Variants in FRMD4A observed in about 807,000 individuals in gnomAD.
FRMD4A encodes FERM domain-containing protein 4A.
Under a neutral mutation model 129.1 loss-of-function variants are expected in FRMD4A, and 29 were observed. That is an observed-to-expected ratio of 0.22 (90% confidence interval 0.17 to 0.31). FRMD4A has a LOEUF of 0.31. Ranked by LOEUF, FRMD4A falls within the 10% of genes least tolerant of loss-of-function variation. The pLI is 1.00. For missense variants in FRMD4A, 1,272 were observed against 1,375.8 expected, an observed-to-expected ratio of 0.92 and a Z score of 1.19; for synonymous variants, 634 against 571.6, an observed-to-expected ratio of 1.11 and a Z score of -1.56.
intron 2 of FRMD4A, among the ~76,000 whole-genome samples, chr10:14,126,772 C>G (rs12248809): frequency 1.3e-5 from 2 of 152,086 alleles, no homozygotes; most frequent in East Asian, 3.9e-4. Context: ...AAATGTGGGT[C>G]TTATAGGAAG....
At chr10:14,247,171 A>G (rs138274615) in intron 2 of FRMD4A, among the ~76,000 whole-genome samples, 1 of 152,070 alleles carries the variant, frequency 6.6e-6, no homozygotes, top group East Asian at 1.9e-4. Flanking sequence ...ACACAGGGAG[A>G]CTAGTGACCC....
At chr10:14,033,163 C>T (rs1021340079) in intron 2 of FRMD4A, among the ~76,000 whole-genome samples, 3 of 151,760 alleles carry the variant, frequency 2.0e-5, no homozygotes, top group Non-Finnish European at 2.9e-5. Context: ...AAAAATTAGC[C>T]GGGCGTGGTG....
At chr10:13,707,257 GACACACACACACACATAC>G (rs2087553382) in intron 12 of FRMD4A, 144 bp from the exon 13 acceptor site, 1 of 683,604 alleles carries the variant, frequency 1.5e-6, no homozygotes, top group Non-Finnish European at 2.3e-6. Flanking sequence ...CCTCTTGCTT[GACACACACACACACATAC>G]ACACACACAC....
At chr10:14,139,310 G>A (rs937187554) in intron 2 of FRMD4A, among the ~76,000 whole-genome samples, 2 of 152,124 alleles carry the variant, frequency 1.3e-5, no homozygotes, top group African/African-American at 4.8e-5. Flanking sequence ...AGTCAACTGT[G>A]TCATTCCACT....
chr10:14,187,573 G>A (rs1342564767), intron 2 of FRMD4A, among the ~76,000 whole-genome samples: 1 of 152,170 alleles, frequency 6.6e-6, no homozygotes, highest in African/African-American at 2.4e-5. Flanking sequence ...AGATCAGCCA[G>A]ATACAGTGGC....
intron 2 of FRMD4A, among the ~76,000 whole-genome samples, chr10:14,314,410 G>A (rs1437555581): frequency 1.3e-5 from 2 of 152,286 alleles, no homozygotes; most frequent in East Asian, 3.9e-4. Flanking sequence ...GTTTAGGAAG[G>A]CATCCTGGTG....
At chr10:13,803,428 C>A (rs140014284) in intron 4 of FRMD4A, among the ~76,000 whole-genome samples, 1 of 152,174 alleles carries the variant, frequency 6.6e-6, no homozygotes, top group African/African-American at 2.4e-5. Context: ...AACCCCTGGG[C>A]TCAAGTGATC....
intron 6 of FRMD4A, among the ~76,000 whole-genome samples, chr10:13,779,870 C>T (rs2092692675): frequency 6.6e-6 from 1 of 151,734 alleles, no homozygotes. Flanking sequence ...CAGCAACAAG[C>T]CTACACATCA....
At chr10:13,948,054 GA>G (rs80191339) in intron 2 of FRMD4A, among the ~76,000 whole-genome samples, 40,238 of 136,286 alleles carry the variant, frequency 0.3, 5,625 homozygotes, top group South Asian at 0.42. Context: ...AAAGTAAATT[GA>G]AAAAAAAAAA....
intron 2 of FRMD4A, among the ~76,000 whole-genome samples, chr10:14,127,944 T>C (rs1405696802): frequency 6.5e-5 from 1 of 15,278 alleles, no homozygotes; most frequent in African/African-American, 4.3e-4. Flanking sequence ...CTTTCTTTCT[T>C]TCTTTCTTTC....
chr10:13,657,209 C>T lies in FRMD4A; in HGVS notation c.2380G>A (p.Gly794Ser). The T allele has an allele frequency of 1.3e-6, 2 of 1,545,302 alleles. No homozygotes were observed. The highest frequency in any genetic ancestry group is 1.7e-6 in the Non-Finnish European group (2 of 1,151,994). ...GGCATGCTGCCCGAGCTGGCTGAGC[C>T]CAGTGCGCCCGCCGCCCGCTGCCGC... ...RQRQRAAGAL[G>S]SASSGSMPNL... The change falls in exon 22 of 25, where the codon GGC becomes AGC. Residue 794 changes from glycine (G) to serine (S), a missense_variant. Gly to Ser is a moderately conservative substitution (Grantham distance 56, BLOSUM62 0). Coordinates refer to ENST00000357447, the MANE Select transcript of FRMD4A (RefSeq NM_018027.5).
At chr10:13,976,612 G>T (rs796540288) in intron 2 of FRMD4A, among the ~76,000 whole-genome samples, 7 of 152,100 alleles carry the variant, frequency 4.6e-5, no homozygotes, top group African/African-American at 1.7e-4. Flanking sequence ...CATAATTACT[G>T]CCTTGAAAAG....
intron 2 of FRMD4A, among the ~76,000 whole-genome samples, chr10:13,973,306 C>T (rs2131387909): frequency 6.6e-6 from 1 of 152,194 alleles, no homozygotes; most frequent in Middle Eastern, 3.4e-3. Flanking sequence ...AATACGTTTT[C>T]TCCTTTTGCT....
chr10:13,717,492 T>G (rs1400440405), intron 12 of FRMD4A, among the ~76,000 whole-genome samples: 1 of 152,044 alleles, frequency 6.6e-6, no homozygotes, highest in Non-Finnish European at 1.5e-5. Flanking sequence ...TTTTGTATTT[T>G]TAGTAGAGAT....
At chr10:13,764,415 G>T (rs543955437) in intron 6 of FRMD4A, among the ~76,000 whole-genome samples, 1 of 152,112 alleles carries the variant, frequency 6.6e-6, no homozygotes, top group East Asian at 1.9e-4. Context: ...TGAGGTGGGA[G>T]GGTCCCCTGA....
intron 2 of FRMD4A, among the ~76,000 whole-genome samples, chr10:14,196,721 T>C (rs1330473071): frequency 2.6e-5 from 4 of 152,242 alleles, no homozygotes; most frequent in African/African-American, 4.8e-5. Flanking sequence ...TGTAAATTGC[T>C]AGCCCATAGA....
At chr10:14,088,592 C>A (rs1836438542) in intron 2 of FRMD4A, among the ~76,000 whole-genome samples, 1 of 151,944 alleles carries the variant, frequency 6.6e-6, no homozygotes, top group South Asian at 2.1e-4. Flanking sequence ...CACGGCAAAA[C>A]CCCATTTCTA....
rs1250760328 is a variant in FRMD4A at position 13,971,631 on chromosome 10, AC to A, written c.46-112720del. 3 of 1,257,252 alleles carry A rather than the reference AC, an allele frequency of 2.4e-6. No individual in the cohort carries two copies. The South Asian group carries it at 3.7e-5, about 16-fold the overall frequency. 77.9% of individuals were successfully genotyped at this position (1,257,252 alleles called of 1,614,324 possible). On this transcript the variant is annotated intron_variant, in intron 2 of 24. Coordinates refer to ENST00000357447, the MANE Select transcript of FRMD4A (RefSeq NM_018027.5). Reference sequence around the variant, plus strand: ...CACCACTTTCCCATGCTTCAAAGAAACGAAAGAGGAGCTTCTGGTCCCACCT... The same window carrying A: ...CACCACTTTCCCATGCTTCAAAGAAAGAAAGAGGAGCTTCTGGTCCCACCT...
chr10:14,042,030 C>CA (rs1010403840), intron 2 of FRMD4A, among the ~76,000 whole-genome samples: 2 of 152,242 alleles, frequency 1.3e-5, no homozygotes, highest in Non-Finnish European at 2.9e-5. Flanking sequence ...GGTTTCTCTT[C>CA]AAAAATTTTC....
Sources: allele counts gnomAD v4.1 joint callset (sites outside exome capture counted in the v4.1 genomes callset), GRCh38; gene constraint gnomAD v4.1.1; transcripts MANE v1.5; gene names NCBI Gene and HGNC (gene_info 2026-07-23, HGNC 2026-07-21).